Variants in CD22 observed in about 807,000 individuals in gnomAD.
CD22 encodes the protein CD22 molecule.
CD22 carries 51 observed loss-of-function variants against 94.7 expected under a neutral mutation model. The ratio of observed to expected loss-of-function variants is 0.54; its 90% CI spans 0.43 to 0.68. The LOEUF (loss-of-function observed/expected upper bound fraction) is 0.68. CD22 is among the 30% of genes least tolerant of loss of function. The probability of loss-of-function intolerance (pLI) is 0.00; values close to 1 mark genes in which losing one functional copy is unlikely to be tolerated. For missense variants in CD22, 931 were observed against 1,060.4 expected (o/e 0.88, Z 1.69); for synonymous variants, 424 against 422.5 (o/e 1.00, Z -0.04).
At chr19:35,334,947 A>G (rs1252063898) in intron 3 of CD22, among the ~76,000 whole-genome samples, 1 of 151,938 alleles carries the variant, frequency 6.6e-6, no homozygotes, top group African/African-American at 2.4e-5. Flanking sequence ...GCGTGGTGGC[A>G]GGCGCCTGTA....
chr19:35,345,726 G>A lies in CD22; in HGVS notation c.2327+6G>A. ...ATGAACATACCACGAACTGGGTACT[G>A]AGGGTACCAGGAGGGTGACCCTGCA... On this transcript the variant is annotated splice_donor_region_variant and intron_variant, in intron 12 of 13. Transcript: ENST00000085219. The A allele has an allele frequency of 6.4e-7, 1 of 1,571,830 alleles. No individual in the cohort carries two copies. Among genetic ancestry groups the A allele is most frequent in the Non-Finnish European group, 8.8e-7 (1 of 1,141,316 alleles).
chr19:35,344,778 C>T (rs1478187547), intron 9 of CD22, 51 bp from the exon 10 acceptor site: 2 of 1,382,452 alleles, frequency 1.4e-6, no homozygotes, highest in African/African-American at 1.4e-5. Flanking sequence ...CAAAGGCTGC[C>T]AGGGAGAGCT....
At chr19:35,344,597 C>A (rs919435060) in intron 9 of CD22, 1 of 512,402 alleles carries the variant, frequency 2.0e-6, no homozygotes, top group Admixed American at 3.4e-5. Flanking sequence ...AGGCTCTGGG[C>A]GTGCCACGTC....
chr19:35,346,578 A>G lies in CD22; in HGVS notation c.2425A>G (p.Asn809Asp). ...LHKRQVGDYE[N>D]VIPDFPEDEG... Reference sequence around the variant, plus strand: ...GCGGTTTTCTCAGGGCGACTATGAGAACGTCATTCCAGATTTTCCAGAAGA... The same window carrying G: ...GCGGTTTTCTCAGGGCGACTATGAGGACGTCATTCCAGATTTTCCAGAAGA... Residue 809 changes from asparagine (N) to aspartate (D), a missense_variant, in exon 14 of 14, where the codon AAC becomes GAC. Physicochemically the swap from Asn to Asp is conservative, Grantham distance 23. Coordinates refer to ENST00000085219, the MANE Select transcript of CD22 (RefSeq NM_001771.4). The G allele has an allele frequency of 1.2e-6, 2 of 1,603,068 alleles. No homozygotes were observed. Among genetic ancestry groups the G allele is most frequent in the Non-Finnish European group, 8.5e-7 (1 of 1,173,998 alleles).
At chr19:35,346,045 A>G (rs759592812) in intron 12 of CD22, 106 bp from the exon 13 acceptor site, 6 of 846,558 alleles carry the variant, frequency 7.1e-6, no homozygotes, top group Non-Finnish European at 9.9e-6. Context: ...CAGGTTTTAC[A>G]TAAGGGGCTG....
At position 35,337,686 on chromosome 19, in the gene CD22, G is replaced by A; in HGVS notation, c.719-69G>A. On this transcript the variant is annotated intron_variant, in intron 4 of 13. Coordinates refer to ENST00000085219, the MANE Select transcript of CD22 (RefSeq NM_001771.4). The surrounding 1 kb of genome is among the most constrained non-coding windows in gnomAD (Gnocchi z 4.4). ...AGGCCATGGCTTTGTCAGAATAAAAGCACTTTCCACACCCTCCACCCTCTG... is the reference window on the plus strand; with the variant it reads ...AGGCCATGGCTTTGTCAGAATAAAAACACTTTCCACACCCTCCACCCTCTG... The A allele has an allele frequency of 7.2e-7, 1 of 1,395,364 alleles. No homozygotes were observed. Among genetic ancestry groups the A allele is most frequent in the Non-Finnish European group, 9.8e-7 (1 of 1,019,782 alleles). 86.4% of individuals were successfully genotyped at this position (1,395,364 alleles called of 1,614,324 possible).
chr19:35,334,852 G>A (rs896186791), intron 3 of CD22, among the ~76,000 whole-genome samples: 3 of 152,034 alleles, frequency 2.0e-5, no homozygotes, highest in Admixed American at 6.6e-5. Context: ...GCCGAGGCAG[G>A]CGGATCACAA....
chr19:35,332,851 C>T lies in CD22; in HGVS notation c.339C>T (p.Asp113=). The T allele has an allele frequency of 6.2e-7, 1 of 1,614,196 alleles. No individual in the cohort carries two copies. The highest frequency in any genetic ancestry group is 8.5e-7 in the Non-Finnish European group (1 of 1,180,024). ...GTATCCACCCGGTGCACCTCAATGACAGTGGTCAGCTGGGGCTGAGGATGG... is the reference window on the plus strand; with the variant it reads ...GTATCCACCCGGTGCACCTCAATGATAGTGGTCAGCTGGGGCTGAGGATGG... ...TLSIHPVHLN[D]SGQLGLRMES... is the part of the protein sequence containing the mutation. Residue 113 remains aspartate, a synonymous_variant, in exon 3 of 14, where the codon GAC becomes GAT. Transcript: ENST00000085219.
chr19:35,333,084 G>C (rs2066668427), intron 3 of CD22, 160 bp downstream of exon 3: 1 of 673,672 alleles, frequency 1.5e-6, no homozygotes, highest in African/African-American at 1.8e-5. Flanking sequence ...ACTAGACAGA[G>C]CTGCGGGACC....
intron 4 of CD22, chr19:35,336,736 T>G (rs1599678516): frequency 5.0e-6 from 1 of 201,808 alleles, no homozygotes; most frequent in African/African-American, 2.3e-5. Flanking sequence ...TGAGCAAAAC[T>G]CTTGCCCCAC....
chr19:35,341,048 C>T lies in CD22; in HGVS notation c.1417C>T (p.Gln473Ter). 6.2e-7 allele frequency: 1 copy of T among 1,614,196 alleles called. No homozygotes were observed. The highest frequency in any genetic ancestry group is 8.5e-7 in the Non-Finnish European group (1 of 1,180,012). ...GCCATCGCTTGGGGTGCTGAAGATC[C>T]AAAACGTTGGCTGGGACAACACAAC... is the stretch of plus-strand genomic sequence containing the variant. ...EEPSLGVLKI[Q>*]NVGWDNTTIA... Residue 473 changes from glutamine (Q) to a stop codon, truncating the protein, a stop_gained, in exon 7 of 14, where the codon CAA (glutamine) becomes TAA (stop). Transcript: ENST00000085219. LOFTEE classifies it high-confidence loss of function. This position sits in a 1 kb window ranked among gnomAD's most constrained non-coding sequence, Gnocchi z 4.0.
At chr19:35,339,713 C>T (rs1448116270) in intron 6 of CD22, among the ~76,000 whole-genome samples, 1 of 152,024 alleles carries the variant, frequency 6.6e-6, no homozygotes, top group African/African-American at 2.4e-5. Flanking sequence ...AAAAATTAGC[C>T]GGGCATGGTG....
intron 12 of CD22, 77 bp downstream of exon 12, chr19:35,345,797 T>C: frequency 9.7e-7 from 1 of 1,032,630 alleles, no homozygotes; most frequent in Non-Finnish European, 1.5e-6. Flanking sequence ...GCCTGCCCTC[T>C]TTGTGCCAGG....
chr19:35,341,518 C>G lies in CD22; in HGVS notation c.1683C>G (p.Ile561Met). 2 of 1,614,154 alleles carry G rather than the reference C, an allele frequency of 1.2e-6. No homozygotes were observed. Among genetic ancestry groups the G allele is most frequent in the South Asian group, 2.2e-5 (2 of 91,090 alleles). Reference protein sequence around the residue: ...GKESQLNFDSISPEDAGSYSC... With the variant: ...GKESQLNFDSMSPEDAGSYSC... The stretch of plus-strand genomic sequence containing the variant: ...AAAGCCAGCTGAATTTTGACTCCAT[C>G]TCCCCAGAAGATGCTGGGAGTTACA... Residue 561 changes from isoleucine (I) to methionine (M), a missense_variant, in exon 8 of 14, where the codon ATC (isoleucine) becomes ATG (methionine). Physicochemically the swap from Ile to Met is conservative, Grantham distance 10 (BLOSUM62 1). Coordinates refer to ENST00000085219, the MANE Select transcript of CD22 (RefSeq NM_001771.4). This position sits in a 1 kb window ranked among gnomAD's most constrained non-coding sequence, Gnocchi z 4.0.
Position 35,339,820 on chromosome 19 carries a change from C to T in CD22, c.1250-1061C>T, listed in dbSNP as rs151262212. 4.0e-3 allele frequency among the ~76,000 whole-genome samples: 609 copies of T among 152,164 alleles called. 4 individuals carry two copies. Among genetic ancestry groups the T allele is most frequent in the African/African-American group, 0.014 (584 of 41,506 alleles). On this transcript the variant is annotated intron_variant, in intron 6 of 13. Coordinates refer to ENST00000085219, the MANE Select transcript of CD22 (RefSeq NM_001771.4). ...GCAATGAGCTGAGATCATGTCACTG[C>T]ACTCTAGCCTGGGTAGAGTGAGATT...
At chr19:35,333,024 G>A in intron 3 of CD22, 100 bp downstream of exon 3, 1 of 1,316,070 alleles carries the variant, frequency 7.6e-7, no homozygotes, top group Non-Finnish European at 1.0e-6. Context: ...CGAGCTTCCT[G>A]CAGAGCTCAG....
In CD22 at chr19:35,336,694, G is replaced by C. The variant is rs1173768688; in HGVS notation, c.718+353G>C. On this transcript the variant is annotated intron_variant, in intron 4 of 13. Transcript: ENST00000085219. ...CCAGGCCTTATTACGGCTGCCAATGGGGGGCATGGGGCGGTGGGCAGGGTG... is the reference window on the plus strand; with the variant it reads ...CCAGGCCTTATTACGGCTGCCAATGCGGGGCATGGGGCGGTGGGCAGGGTG... 3 of 271,426 alleles carry C rather than the reference G, an allele frequency of 1.1e-5. No individual in the cohort carries two copies. The South Asian group carries it at 1.5e-4, about 14-fold the overall frequency. 16.8% of individuals were successfully genotyped at this position (271,426 alleles called of 1,614,324 possible).
At chr19:35,345,338 T>C in intron 11 of CD22, 1 of 586,370 alleles carries the variant, frequency 1.7e-6, no homozygotes, top group East Asian at 2.9e-5. Flanking sequence ...GGAGAATCGC[T>C]TGAACCTGGG....
At position 35,343,099 on chromosome 19, in the gene CD22, A is replaced by ATTT. The variant is rs762734941; in HGVS notation, c.2035+1150_2035+1152dup. Among the ~76,000 whole-genome samples the ATTT allele has an allele frequency of 3.5e-3, 469 of 132,936 alleles. 4 individuals are homozygous for ATTT. Among genetic ancestry groups the ATTT allele is most frequent in the African/African-American group, 0.013 (454 of 36,128 alleles). 87.2% of individuals were successfully genotyped at this position (132,936 alleles called of 152,430 possible). A position where few individuals can be genotyped will look rare whatever the true frequency, so the allele number is the denominator to read the frequency against. The stretch of plus-strand genomic sequence containing the variant: ...AGGCGTGAGCCACCGCACCCGGCTG[A>ATTT]TTTTTTTTTTTTTTTTTTGAGACAG... On this transcript the variant is annotated intron_variant, in intron 9 of 13. Transcript: ENST00000085219.
Sources: gnomAD v4.1 joint callset for allele counts (sites outside exome capture counted in the v4.1 genomes callset) on GRCh38, gnomAD v4.1.1 for gene constraint, Gnocchi (gnomAD v3.1) non-coding constraint, MANE v1.5 for transcripts, NCBI Gene and HGNC (gene_info 2026-07-23, HGNC 2026-07-21) for gene names.